The following COL24A1 variants were observed in gnomAD, a reference collection of about 807,000 sequenced individuals.
COL24A1 encodes the protein collagen alpha-1(XXIV) chain.
In COL24A1, 224 loss-of-function variants were observed where a neutral mutation model predicts 253.9. That is an observed-to-expected ratio of 0.88 (90% confidence interval 0.79 to 0.99). The LOEUF (loss-of-function observed/expected upper bound fraction) is 0.99, where lower values mean the gene tolerates loss of function less well. Among genes scored for constraint, COL24A1 ranks in the 50% least tolerant of loss-of-function variants. The pLI, the probability that COL24A1 is intolerant of heterozygous loss-of-function variation, is 0.00. For synonymous variants in COL24A1, 685 were observed against 673.7 expected (o/e 1.02, Z -0.26); for missense variants, 2,131 against 2,068.5 (o/e 1.03, Z -0.59).
chr1:85,963,158 C>G (rs1403971114), intron 23 of COL24A1, among the ~76,000 whole-genome samples: 1 of 152,038 alleles, frequency 6.6e-6, no homozygotes. Context: ...GCACTGAAAC[C>G]TAATATTCAT....
At chr1:86,093,148 C>G (rs912585110) in intron 5 of COL24A1, among the ~76,000 whole-genome samples, 2 of 151,894 alleles carry the variant, frequency 1.3e-5, no homozygotes, top group Non-Finnish European at 2.9e-5. Context: ...TTTACATATT[C>G]AGAGATGCTT....
intron 24 of COL24A1, among the ~76,000 whole-genome samples, chr1:85,950,156 T>A (rs1383700570): frequency 6.6e-6 from 1 of 152,138 alleles, no homozygotes; most frequent in Admixed American, 6.5e-5. Context: ...TATTGTATCA[T>A]AATGGATTTT....
chr1:85,984,801 T>A (rs1159913929), intron 20 of COL24A1, among the ~76,000 whole-genome samples: 1 of 151,808 alleles, frequency 6.6e-6, no homozygotes, highest in Admixed American at 6.6e-5. Flanking sequence ...ATCATCCCCA[T>A]CCTCCAAAAC....
intron 2 of COL24A1, among the ~76,000 whole-genome samples, chr1:86,140,409 C>T (rs745757857): frequency 3.3e-5 from 5 of 152,158 alleles, no homozygotes; most frequent in African/African-American, 9.7e-5. Flanking sequence ...GAGATAAATG[C>T]TAATTTATTT....
At chr1:85,742,722 C>G (rs1450545482) in intron 57 of COL24A1, among the ~76,000 whole-genome samples, 1 of 152,112 alleles carries the variant, frequency 6.6e-6, no homozygotes, top group African/African-American at 2.4e-5. Context: ...CCCTGAGAGT[C>G]ATCCTTTACC....
At chr1:86,024,138 T>G (rs1332065502) in intron 14 of COL24A1, among the ~76,000 whole-genome samples, 1 of 152,072 alleles carries the variant, frequency 6.6e-6, no homozygotes, top group East Asian at 1.9e-4. Flanking sequence ...CCCGAAATCC[T>G]CCATTCTAGC....
At chr1:86,103,699 A>G (rs1390808323) in intron 5 of COL24A1, among the ~76,000 whole-genome samples, 1 of 152,184 alleles carries the variant, frequency 6.6e-6, no homozygotes, top group Non-Finnish European at 1.5e-5. Context: ...AAGAACGTTG[A>G]ATATTGGCCC....
At position 85,877,327 on chromosome 1, in the gene COL24A1, A is replaced by G. The variant is rs146604845; in HGVS notation, c.2977-152T>C. 324 of 545,858 alleles carry G rather than the reference A, an allele frequency of 5.9e-4. 1 individual carries two copies. Among genetic ancestry groups the G allele is most frequent in the African/African-American group, 5.4e-3 (271 of 50,426 alleles). The allele number at this position is 545,858 out of a possible 1,614,324, so 33.8% of individuals were successfully genotyped here. ...ATCAGCATATTACTTTACTCTGTAT[A>G]AACAAAATTATATCTTTAATTGATT... On this transcript the variant is annotated intron_variant, in intron 32 of 59. Transcript: ENST00000370571.
At chr1:85,953,901 G>A (rs1471267426) in intron 24 of COL24A1, among the ~76,000 whole-genome samples, 6 of 151,538 alleles carry the variant, frequency 4.0e-5, no homozygotes, top group Admixed American at 3.9e-4. Flanking sequence ...TCTAAAACAA[G>A]TAAGGTGATC....
intron 20 of COL24A1, among the ~76,000 whole-genome samples, chr1:85,973,253 C>T (rs1240766375): frequency 6.6e-6 from 1 of 152,036 alleles, no homozygotes; most frequent in East Asian, 1.9e-4. Flanking sequence ...ATGTATAAGG[C>T]TCAATTAACA....
intron 5 of COL24A1, among the ~76,000 whole-genome samples, chr1:86,099,418 T>C (rs1704257399): frequency 6.6e-6 from 1 of 152,122 alleles, no homozygotes; most frequent in African/African-American, 2.4e-5. Context: ...TATAATGTAG[T>C]CCATAGAGAA....
At chr1:85,889,028 G>A (rs935067112) in intron 32 of COL24A1, among the ~76,000 whole-genome samples, 1 of 152,008 alleles carries the variant, frequency 6.6e-6, no homozygotes, top group Non-Finnish European at 1.5e-5. Context: ...TTTTCACAAC[G>A]TACCGTCCAT....
intron 43 of COL24A1, among the ~76,000 whole-genome samples, chr1:85,833,537 C>A (rs1382599443): frequency 6.6e-5 from 10 of 152,118 alleles, no homozygotes; most frequent in Admixed American, 5.2e-4. Context: ...ACTAGTTCAA[C>A]CATTGTGGAA....
chr1:85,986,724 C>T (rs1475572825), intron 20 of COL24A1, among the ~76,000 whole-genome samples: 1 of 151,738 alleles, frequency 6.6e-6, no homozygotes, highest in African/African-American at 2.4e-5. Flanking sequence ...CTGTGCTGCT[C>T]AATATTAAGA....
chr1:85,788,021 T>C (rs1669865819), intron 47 of COL24A1, among the ~76,000 whole-genome samples: 1 of 126,786 alleles, frequency 7.9e-6, no homozygotes, highest in Non-Finnish European at 1.9e-5. Context: ...GTTGGCTGCA[T>C]GAATGTCTTC....
At chr1:86,106,980 T>C (rs1705042514) in intron 5 of COL24A1, among the ~76,000 whole-genome samples, 1 of 152,204 alleles carries the variant, frequency 6.6e-6, no homozygotes, top group Non-Finnish European at 1.5e-5. Flanking sequence ...AGTTTCACTC[T>C]TCATAGAATT....
At chr1:86,067,185 T>G (rs995171076) in intron 7 of COL24A1, among the ~76,000 whole-genome samples, 2 of 149,926 alleles carry the variant, frequency 1.3e-5, no homozygotes, top group African/African-American at 2.5e-5. Flanking sequence ...CTTGGAGACA[T>G]AGGAAGGAAG....
At chr1:86,068,322 T>G (rs1057182161) in intron 7 of COL24A1, among the ~76,000 whole-genome samples, 3 of 152,178 alleles carry the variant, frequency 2.0e-5, no homozygotes, top group Non-Finnish European at 2.9e-5. Context: ...GCAGCAGCCC[T>G]GCAGTGTGGA....
chr1:86,132,212 G>T lies in COL24A1; in HGVS notation c.122-5998C>A, dbSNP rs147598681. Among the ~76,000 whole-genome samples the T allele has an allele frequency of 9.0e-3, 1,369 of 152,122 alleles. 24 individuals carry two copies. Among genetic ancestry groups the T allele is most frequent in the East Asian group, 0.074 (382 of 5,172 alleles). On this transcript the variant is annotated intron_variant, in intron 2 of 59. Coordinates refer to ENST00000370571, the MANE Select transcript of COL24A1 (RefSeq NM_152890.7). ...CCTTTGCCCACTTTTTGATGGGGTTGTTTGTTTTTTTCTTGTGAATTTGTT... is the reference window on the plus strand; with the variant it reads ...CCTTTGCCCACTTTTTGATGGGGTTTTTTGTTTTTTTCTTGTGAATTTGTT...
Sources: gnomAD v4.1 joint callset for allele counts (sites outside exome capture counted in the v4.1 genomes callset) on GRCh38, gnomAD v4.1.1 for gene constraint, MANE v1.5 for transcripts, NCBI Gene and HGNC (gene_info 2026-07-23, HGNC 2026-07-21) for gene names.